The following EFCAB13 variants were observed in gnomAD, a reference collection of about 807,000 sequenced individuals.
EFCAB13 encodes the protein EF-hand calcium binding domain 13.
EFCAB13 carries 91 observed loss-of-function variants against 110.2 expected under a neutral mutation model. That is an observed-to-expected ratio of 0.83 (90% CI 0.70 to 0.98). The LOEUF is 0.98. EFCAB13 is among the 50% of genes least tolerant of loss of function. The pLI, the probability that EFCAB13 is intolerant of heterozygous loss-of-function variation, is 0.00. For synonymous variants in EFCAB13, 323 were observed against 369.9 expected, an observed-to-expected ratio of 0.87 and a Z score of 1.45; for missense variants, 968 against 1,119.4, an observed-to-expected ratio of 0.86 and a Z score of 1.93.
intron 9 of EFCAB13, among the ~76,000 whole-genome samples, chr17:47,349,408 A>G (rs1431822717): frequency 6.6e-6 from 1 of 152,210 alleles, no homozygotes; most frequent in Non-Finnish European, 1.5e-5. Flanking sequence ...CAAATATAAA[A>G]ATTAGTCTTG....
rs772471112 is a variant in EFCAB13 at position 47,412,806 on chromosome 17, T to C, written c.2312T>C (p.Val771Ala). 3.7e-5 allele frequency: 60 copies of C among 1,613,708 alleles called. No individual in the cohort carries two copies. The East Asian group carries it at 1.3e-3, about 36-fold the overall frequency. ...GAAGCTGCTAACATCTTGTCACATGTCGATAATGGCAAGATTGGTATACCT... is the reference window on the plus strand; with the variant it reads ...GAAGCTGCTAACATCTTGTCACATGCCGATAATGGCAAGATTGGTATACCT... ...IKEAANILSH[V>A]DNGKIGIPDL... Residue 771 changes from valine (V) to alanine (A), a missense_variant, in exon 22 of 25, where the codon GTC becomes GCC. Val to Ala is a moderately conservative substitution (Grantham distance 64). Coordinates refer to ENST00000331493, the MANE Select transcript of EFCAB13 (RefSeq NM_152347.5).
chr17:47,378,541 A>C (rs777206851), intron 13 of EFCAB13, among the ~76,000 whole-genome samples: 2 of 152,200 alleles, frequency 1.3e-5, no homozygotes, highest in Admixed American at 6.5e-5. Flanking sequence ...GAATCCTCAG[A>C]ATCTGGGCAC....
At position 47,387,505 on chromosome 17, in the gene EFCAB13, T is replaced by C. The variant is rs1489153303; in HGVS notation, c.1583-3932T>C. Among the ~76,000 whole-genome samples, 2 of 152,232 alleles carry C rather than the reference T, an allele frequency of 1.3e-5. 1 individual carries two copies. Among genetic ancestry groups the C allele is most frequent in the African/African-American group, 4.8e-5 (2 of 41,460 alleles). On this transcript the variant is annotated intron_variant, in intron 14 of 24. Transcript: ENST00000331493. ...GGTCCTCTGTTGTTGTGTACATACA[T>C]ATTTATAATTGTTATATCCTCTTAC...
chr17:47,398,221 C>T (rs2065757338), intron 17 of EFCAB13, among the ~76,000 whole-genome samples: 4 of 147,670 alleles, frequency 2.7e-5, no homozygotes, highest in African/African-American at 9.9e-5. Flanking sequence ...GCCAGCCGCC[C>T]CGTCCGGGAG....
chr17:47,355,797 G>T (rs988727774), intron 9 of EFCAB13, among the ~76,000 whole-genome samples: 3 of 151,826 alleles, frequency 2.0e-5, no homozygotes, highest in Non-Finnish European at 4.4e-5. Flanking sequence ...GGCCTCGATT[G>T]CTTGACCTCA....
chr17:47,435,172 TCAAA>T (rs1367864036), intron 24 of EFCAB13, among the ~76,000 whole-genome samples: 3 of 151,486 alleles, frequency 2.0e-5, no homozygotes, highest in African/African-American at 4.9e-5. Flanking sequence ...TACAAAGAAC[TCAAA>T]CAAGTCAGCA....
chr17:47,421,321 A>C (rs1170241883), intron 23 of EFCAB13, among the ~76,000 whole-genome samples: 1 of 152,124 alleles, frequency 6.6e-6, no homozygotes, highest in Non-Finnish European at 1.5e-5. Flanking sequence ...TATCCTGTTG[A>C]TCTGTGACCT....
chr17:47,329,762 T>A (rs2065309110), intron 4 of EFCAB13: 1 of 152,162 alleles, frequency 6.6e-6, no homozygotes, highest in Non-Finnish European at 1.5e-5. Context: ...GGTTTTTCTG[T>A]CTTTTTAGAT....
At chr17:47,336,021 A>G (rs1484944831) in intron 5 of EFCAB13, among the ~76,000 whole-genome samples, 1 of 152,182 alleles carries the variant, frequency 6.6e-6, no homozygotes, top group East Asian at 1.9e-4. Flanking sequence ...GAGAACAGTT[A>G]TCCATATGTC....
rs533814617 is a variant in EFCAB13 at position 47,375,833 on chromosome 17, T to A, written c.1372+867T>A. Reference sequence around the variant, plus strand: ...ATCTGTGTGAAATTTTTGCTTAGAGTGCTGTAATTTAAATATATAATATTC... The same window carrying A: ...ATCTGTGTGAAATTTTTGCTTAGAGAGCTGTAATTTAAATATATAATATTC... On this transcript the variant is annotated intron_variant, in intron 12 of 24. Transcript: ENST00000331493. 2.0e-5 allele frequency among the ~76,000 whole-genome samples: 3 copies of A among 152,228 alleles called. No homozygotes were observed. The South Asian group carries it at 6.2e-4, about 32-fold the overall frequency.
intron 9 of EFCAB13, among the ~76,000 whole-genome samples, chr17:47,360,945 A>T (rs1334598972): frequency 6.6e-6 from 1 of 152,186 alleles, no homozygotes; most frequent in African/African-American, 2.4e-5. Context: ...TTAAAAATAT[A>T]CTGAGCTCTC....
chr17:47,406,687 G>C (rs1424354746), intron 20 of EFCAB13, among the ~76,000 whole-genome samples: 1 of 152,158 alleles, frequency 6.6e-6, no homozygotes, highest in Non-Finnish European at 1.5e-5. Context: ...ATTTTCGACA[G>C]CTATAGAACT....
At chr17:47,433,521 A>C (rs1401087899) in intron 24 of EFCAB13, among the ~76,000 whole-genome samples, 1 of 152,126 alleles carries the variant, frequency 6.6e-6, no homozygotes, top group Non-Finnish European at 1.5e-5. Flanking sequence ...AATATTTTGG[A>C]GGAGATACTT....
Position 47,340,766 on chromosome 17 carries a change from A to ATTTTTT in EFCAB13, c.192-1131_192-1126dup, listed in dbSNP as rs58304526. Among the ~76,000 whole-genome samples the ATTTTTT allele has an allele frequency of 5.6e-5, 3 of 53,992 alleles. No homozygotes were observed. The Admixed American group carries it at 7.2e-4, about 13-fold the overall frequency. The allele number at this position is 53,992 out of a possible 152,430, so 35.4% of individuals were successfully genotyped here. On this transcript the variant is annotated intron_variant, in intron 5 of 24. Transcript: ENST00000331493. Reference sequence around the variant, plus strand: ...AGGCGTGCACCACCACACCTGGCTAATTTTTTTTTTTTTTTTTTTTTTTTT... The same window carrying ATTTTTT: ...AGGCGTGCACCACCACACCTGGCTAATTTTTTTTTTTTTTTTTTTTTTTTTTTTTTT...
intron 23 of EFCAB13, among the ~76,000 whole-genome samples, chr17:47,421,113 T>C (rs897024676): frequency 4.6e-5 from 7 of 151,614 alleles, no homozygotes; most frequent in Admixed American, 3.9e-4. Context: ...GAGGAGCCCC[T>C]CTGCCCGGCC....
Position 47,440,498 on chromosome 17 carries a change from T to G in EFCAB13, c.2706T>G (p.Ala902=). ...KLSDILTIPK[A]AGKFYLICTY... ...CCGATATATTGACAATTCCTAAAGC[T>G]GCAGGTAAGTTTTATTTAATATGTA... Residue 902 remains alanine (A), a synonymous_variant, in exon 25 of 25, where the codon GCT becomes GCG. Transcript: ENST00000331493. The G allele has an allele frequency of 1.9e-6, 3 of 1,611,610 alleles. No homozygotes were observed. The highest frequency in any genetic ancestry group is 1.3e-5 in the African/African-American group (1 of 74,994).
intron 4 of EFCAB13, among the ~76,000 whole-genome samples, chr17:47,334,951 CAT>C (rs1156941667): frequency 1.3e-5 from 2 of 152,136 alleles, no homozygotes; most frequent in South Asian, 4.1e-4. Context: ...AACTGTTAGA[CAT>C]ATTCATAAAT....
chr17:47,343,285 A>G (rs2065396030), intron 6 of EFCAB13, among the ~76,000 whole-genome samples: 1 of 152,072 alleles, frequency 6.6e-6, no homozygotes, highest in South Asian at 2.1e-4. Context: ...TTTTAAATGA[A>G]TTTTTTGGTT....
At chr17:47,439,970 G>A (rs1247696825) in intron 24 of EFCAB13, among the ~76,000 whole-genome samples, 1 of 151,722 alleles carries the variant, frequency 6.6e-6, no homozygotes, top group East Asian at 1.9e-4. Flanking sequence ...AATCCTATAA[G>A]TAGTATTTTA....
Sources: allele counts gnomAD v4.1 joint callset (sites outside exome capture counted in the v4.1 genomes callset), GRCh38; gene constraint gnomAD v4.1.1; transcripts MANE v1.5; gene names NCBI Gene and HGNC (gene_info 2026-07-23, HGNC 2026-07-21).